Variants in CDCA7L observed in about 807,000 individuals in gnomAD.
CDCA7L encodes cell division cycle associated 7 like.
A neutral mutation model predicts 57.4 loss-of-function variants in CDCA7L; 44 were observed. The ratio of observed to expected loss-of-function variants is 0.77; its 90% CI spans 0.60 to 0.98. CDCA7L has a LOEUF of 0.98. Among genes scored for constraint, CDCA7L ranks in the 50% least tolerant of loss-of-function variants. The pLI is 0.00. For missense variants in CDCA7L, 644 were observed against 580.6 expected (o/e 1.11, Z -1.12); for synonymous variants, 236 against 202.8 (o/e 1.16, Z -1.39).
At chr7:21,905,820 G>C (rs773797987) in intron 6 of CDCA7L, 189 bp from the exon 7 acceptor site, 1 of 603,744 alleles carries the variant, frequency 1.7e-6, no homozygotes, top group Non-Finnish European at 2.7e-6. Flanking sequence ...TCAGCAAGGC[G>C]ATACAATCAT....
At chr7:21,945,650 G>T in intron 1 of CDCA7L, 131 bp downstream of exon 1, 1 of 1,172,206 alleles carries the variant, frequency 8.5e-7, no homozygotes, top group Non-Finnish European at 1.2e-6. Context: ...GCACTCAACC[G>T]GCTGGGCGCG....
In CDCA7L at chr7:21,901,002, C is replaced by T. The variant is rs1485395412; in HGVS notation, c.*1320G>A. ...ACAATTGCAACCGCTGTGTTTTTGC[C>T]ATAGGCGCCCGCTGGGACACCCAAG... On this transcript the variant is annotated 3_prime_UTR_variant, in exon 10 of 10. Coordinates refer to ENST00000406877, the MANE Select transcript of CDCA7L (RefSeq NM_018719.5). The T allele has an allele frequency of 1.3e-6, 2 of 1,578,326 alleles. No homozygotes were observed. Among genetic ancestry groups the T allele is most frequent in the East Asian group, 2.3e-5 (1 of 44,406 alleles).
chr7:21,930,209 G>A (rs1785962203), intron 1 of CDCA7L, among the ~76,000 whole-genome samples: 1 of 152,174 alleles, frequency 6.6e-6, no homozygotes, highest in South Asian at 2.1e-4. Flanking sequence ...ACCTGCTCCT[G>A]AATGACTACA....
chr7:21,901,099 C>G lies in CDCA7L; in HGVS notation c.*1223G>C. The G allele has an allele frequency of 2.5e-6, 4 of 1,613,638 alleles. No homozygotes were observed. Among genetic ancestry groups the G allele is most frequent in the Non-Finnish European group, 3.4e-6 (4 of 1,179,628 alleles). On this transcript the variant is annotated 3_prime_UTR_variant, in exon 10 of 10. Coordinates refer to ENST00000406877, the MANE Select transcript of CDCA7L (RefSeq NM_018719.5). ...GCCGGTCATCTTTGCAAAAGCCACC[C>G]CCGTGGACAGACAAGAAACCAAACA...
At chr7:21,929,056 G>C (rs1238701535) in intron 1 of CDCA7L, among the ~76,000 whole-genome samples, 1 of 152,176 alleles carries the variant, frequency 6.6e-6, no homozygotes, top group Non-Finnish European at 1.5e-5. Context: ...CAGCCAGAGA[G>C]AAAGGTCAGG....
chr7:21,912,357 T>C (rs1006399621), intron 2 of CDCA7L, among the ~76,000 whole-genome samples: 3 of 152,286 alleles, frequency 2.0e-5, no homozygotes, highest in Admixed American at 6.5e-5. Flanking sequence ...GCTTACAAAA[T>C]TCAGACCTAC....
At chr7:21,912,206 G>A (rs1224728237) in intron 2 of CDCA7L, among the ~76,000 whole-genome samples, 3 of 152,048 alleles carry the variant, frequency 2.0e-5, no homozygotes, top group Admixed American at 6.5e-5. Flanking sequence ...AGGCTGCAGT[G>A]AGCTGCACAC....
At chr7:21,913,341 A>G (rs1300244647) in intron 2 of CDCA7L, among the ~76,000 whole-genome samples, 2 of 152,170 alleles carry the variant, frequency 1.3e-5, no homozygotes, top group Non-Finnish European at 2.9e-5. Flanking sequence ...CTTGAGAAAA[A>G]AAATTGCACA....
intron 1 of CDCA7L, among the ~76,000 whole-genome samples, chr7:21,917,970 G>GT (rs1317033216): frequency 1.3e-5 from 1 of 76,552 alleles, no homozygotes; most frequent in Non-Finnish European, 2.2e-5. Flanking sequence ...TTATGACACT[G>GT]TTTTTTGTTG....
chr7:21,909,061 ACCCTCAGAGC>A (rs1462564760), intron 3 of CDCA7L, among the ~76,000 whole-genome samples: 13 of 152,128 alleles, frequency 8.5e-5, no homozygotes, highest in Non-Finnish European at 1.6e-4. Context: ...CTTCTCTGGA[ACCCTCAGAGC>A]CATGAGGTGA....
At chr7:21,904,080 A>G (rs764308029) in intron 8 of CDCA7L, 30 bp downstream of exon 8, 50 of 1,546,482 alleles carry the variant, frequency 3.2e-5, no homozygotes, top group Middle Eastern at 3.5e-4. Flanking sequence ...CACCAATACA[A>G]TTTACAACAA....
chr7:21,909,887 G>A lies in CDCA7L; in HGVS notation c.304-1380C>T, dbSNP rs114512579. On this transcript the variant is annotated intron_variant, in intron 3 of 9. Transcript: ENST00000406877. ...ACATGGATGTGGTTATTTCGCATCC[G>A]GCCAGCAGACCCCTGGAAACCAAGT... Among the ~76,000 whole-genome samples, 641 of 152,256 alleles carry A rather than the reference G, an allele frequency of 4.2e-3. 7 individuals are homozygous for A. The highest frequency in any genetic ancestry group is 0.014 in the African/African-American group (583 of 41,534).
chr7:21,906,196 C>G, intron 6 of CDCA7L, 93 bp downstream of exon 6: 1 of 1,284,672 alleles, frequency 7.8e-7, no homozygotes, highest in South Asian at 1.5e-5. Context: ...CCCACGGGGT[C>G]AGAACCAGCC....
intron 8 of CDCA7L, among the ~76,000 whole-genome samples, 181 bp from the exon 9 acceptor site, chr7:21,903,295 T>TGCAAA (rs1311400447): frequency 6.6e-6 from 1 of 152,130 alleles, no homozygotes; most frequent in Admixed American, 6.5e-5. Flanking sequence ...CCACGTCACA[T>TGCAAA]GCAAACACTG....
At chr7:21,932,580 G>A (rs1243182026) in intron 1 of CDCA7L, among the ~76,000 whole-genome samples, 1 of 152,176 alleles carries the variant, frequency 6.6e-6, no homozygotes, top group African/African-American at 2.4e-5. Flanking sequence ...AAATGGTGCT[G>A]GGAAAACTGG....
In CDCA7L at chr7:21,902,257, C is replaced by T. The variant is rs996237621; in HGVS notation, c.*65G>A. The T allele has an allele frequency of 7.0e-7, 1 of 1,436,748 alleles. No homozygotes were observed. Among genetic ancestry groups the T allele is most frequent in the Non-Finnish European group, 9.8e-7 (1 of 1,020,146 alleles). The allele number at this position is 1,436,748 out of a possible 1,614,324, so 89.0% of individuals were successfully genotyped here. A position where few individuals can be genotyped will look rare whatever the true frequency, so the allele number is the denominator to read the frequency against. On this transcript the variant is annotated 3_prime_UTR_variant, in exon 10 of 10. Transcript: ENST00000406877. ...ACTGTAAAAAAATCTTTCTTAGGCACCAATGGTATGCATGTCTTGTTGGAG... is the reference window on the plus strand; with the variant it reads ...ACTGTAAAAAAATCTTTCTTAGGCATCAATGGTATGCATGTCTTGTTGGAG...
chr7:21,923,976 A>G (rs1290646989), intron 1 of CDCA7L, among the ~76,000 whole-genome samples: 4 of 152,248 alleles, frequency 2.6e-5, no homozygotes, highest in East Asian at 1.9e-4. Flanking sequence ...TTAAAAAACT[A>G]ATAAGCTATA....
chr7:21,920,182 A>T (rs957988591), intron 1 of CDCA7L, among the ~76,000 whole-genome samples: 1 of 152,200 alleles, frequency 6.6e-6, no homozygotes, highest in African/African-American at 2.4e-5. Context: ...TCAACACAGC[A>T]AAAAGGGCAA....
At chr7:21,905,735 C>A in intron 6 of CDCA7L, 104 bp from the exon 7 acceptor site, 1 of 1,232,382 alleles carries the variant, frequency 8.1e-7, no homozygotes. Context: ...ATGTTAACCC[C>A]GTCCCTCTTC....
Sources: allele counts gnomAD v4.1 joint callset (sites outside exome capture counted in the v4.1 genomes callset), GRCh38; gene constraint gnomAD v4.1.1; transcripts MANE v1.5; gene names NCBI Gene and HGNC (gene_info 2026-07-23, HGNC 2026-07-21).